Variants in NOL4L observed in about 807,000 individuals in gnomAD.
NOL4L encodes nucleolar protein 4-like.
Under a neutral mutation model 64.5 loss-of-function variants are expected in NOL4L, and 7 were observed. The ratio of observed to expected loss-of-function variants is 0.11; its 90% CI spans 0.06 to 0.20. The LOEUF (loss-of-function observed/expected upper bound fraction) is 0.20. NOL4L is among the 10% of genes least tolerant of loss of function. NOL4L has a pLI of 1.00. For synonymous variants in NOL4L, 413 were observed against 401.0 expected, an observed-to-expected ratio of 1.03 and a Z score of -0.36; for missense variants, 680 against 967.1, an observed-to-expected ratio of 0.70 and a Z score of 3.94.
chr20:32,581,156 G>A (rs923079725), intron 1 of NOL4L, among the ~76,000 whole-genome samples: 1 of 152,048 alleles, frequency 6.6e-6, no homozygotes, highest in African/African-American at 2.4e-5. Context: ...GGAGGACTCC[G>A]CCCTCCTCTC....
intron 1 of NOL4L, among the ~76,000 whole-genome samples, chr20:32,583,997 C>A (rs1282642815): frequency 1.3e-5 from 2 of 148,556 alleles, no homozygotes. Context: ...CCCGGGCCAG[C>A]CCCGGGTGGG....
At chr20:32,507,331 G>T (rs1190108978) in intron 4 of NOL4L, among the ~76,000 whole-genome samples, 1 of 152,210 alleles carries the variant, frequency 6.6e-6, no homozygotes, top group African/African-American at 2.4e-5. Flanking sequence ...TGGAGGTGCC[G>T]AGAGGGTGGA....
Position 32,444,006 on chromosome 20 carries a change from G to GT in NOL4L, c.*3589dup, listed in dbSNP as rs2012232467. The GT allele has an allele frequency of 6.6e-6, 1 of 152,172 alleles. No individual in the cohort carries two copies. Among genetic ancestry groups the GT allele is most frequent in the Admixed American group, 6.5e-5 (1 of 15,278 alleles). The allele number at this position is 152,172 out of a possible 1,614,324, so 9.4% of individuals were successfully genotyped here. A position where few individuals can be genotyped will look rare whatever the true frequency, so the allele number is the denominator to read the frequency against. ...TTTTGTTGTATTTTTAGGTGGAAAC[G>GT]TAGGTAAAAAGTGAGAGGTTTTTGT... On this transcript the variant is annotated 3_prime_UTR_variant, in exon 11 of 11. Transcript: ENST00000621426.
At position 32,445,018 on chromosome 20, in the gene NOL4L, T is replaced by C. The variant is rs2012268836; in HGVS notation, c.*2578A>G. On this transcript the variant is annotated 3_prime_UTR_variant, in exon 11 of 11. Coordinates refer to ENST00000621426, the MANE Select transcript of NOL4L (RefSeq NM_001256798.2). Reference sequence around the variant, plus strand: ...CTGTTTCCATGCAGAAACTTGCTCCTGATTCTGCCATCTCTAGGGCTTCAG... The same window carrying C: ...CTGTTTCCATGCAGAAACTTGCTCCCGATTCTGCCATCTCTAGGGCTTCAG... 6.6e-6 allele frequency: 1 copy of C among 152,272 alleles called. No homozygotes were observed. The highest frequency in any genetic ancestry group is 1.5e-5 in the Non-Finnish European group (1 of 68,042). 9.4% of individuals were successfully genotyped at this position (152,272 alleles called of 1,614,324 possible). A position where few individuals can be genotyped will look rare whatever the true frequency, so the allele number is the denominator to read the frequency against.
intron 10 of NOL4L, among the ~76,000 whole-genome samples, chr20:32,448,587 G>A (rs1342528359): frequency 1.3e-5 from 2 of 152,218 alleles, no homozygotes; most frequent in Non-Finnish European, 2.9e-5. Context: ...CCTGGGAGGA[G>A]TCCTGTGCCT....
chr20:32,501,875 C>T (rs1018657855), intron 4 of NOL4L, among the ~76,000 whole-genome samples: 9 of 152,028 alleles, frequency 5.9e-5, no homozygotes, highest in African/African-American at 1.7e-4. Flanking sequence ...GAAAAGGAGG[C>T]AATGACTAAC....
chr20:32,560,584 T>C (rs986176839), intron 1 of NOL4L, among the ~76,000 whole-genome samples: 9 of 152,254 alleles, frequency 5.9e-5, no homozygotes, highest in Non-Finnish European at 1.3e-4. Flanking sequence ...GCATTACCTA[T>C]ATTAAGTGAT....
intron 1 of NOL4L, chr20:32,536,155 C>T (rs2018514460): frequency 1.0e-6 from 1 of 985,668 alleles, no homozygotes. Context: ...CCCTAGAAGA[C>T]ACCCATTAAA....
rs1026979631 is a variant in NOL4L at position 32,585,087 on chromosome 20, GGGC to G, written c.-200_-198del. The G allele has an allele frequency of 6.7e-5, 11 of 163,884 alleles. No individual in the cohort carries two copies. Among genetic ancestry groups the G allele is most frequent in the South Asian group, 1.7e-4 (1 of 5,884 alleles). 10.2% of individuals were successfully genotyped at this position (163,884 alleles called of 1,614,324 possible). ...GGCTGCGGCGCGCTCTGTCCTGCTCGGGCGGCGGCGGCGGCGTTGGCGGCGGCG... is the reference window on the plus strand; with the variant it reads ...GGCTGCGGCGCGCTCTGTCCTGCTCGGGCGGCGGCGGCGTTGGCGGCGGCG... On this transcript the variant is annotated 5_prime_UTR_variant, in exon 1 of 11. Transcript: ENST00000621426.
rs948806545 is a variant in NOL4L at position 32,460,961 on chromosome 20, C to T, written c.842-4566G>A. 5.3e-5 allele frequency among the ~76,000 whole-genome samples: 8 copies of T among 152,240 alleles called. No individual in the cohort carries two copies. The highest frequency in any genetic ancestry group is 1.2e-4 in the Non-Finnish European group (8 of 68,040). Reference sequence around the variant, plus strand: ...TGTGCTAACCCGAGCACCACCACCTCAGGGAAGCCCTCCCTACCTGCCCCG... The same window carrying T: ...TGTGCTAACCCGAGCACCACCACCTTAGGGAAGCCCTCCCTACCTGCCCCG... On this transcript the variant is annotated intron_variant, in intron 5 of 10. Coordinates refer to ENST00000621426, the MANE Select transcript of NOL4L (RefSeq NM_001256798.2). The surrounding 1 kb of genome is among the most constrained non-coding windows in gnomAD (Gnocchi z 5.7).
chr20:32,528,462 C>A (rs958925673), intron 1 of NOL4L, among the ~76,000 whole-genome samples: 10 of 152,144 alleles, frequency 6.6e-5, no homozygotes, highest in Non-Finnish European at 1.2e-4. Context: ...GCAACGGCAC[C>A]CGGGCCCTTT....
chr20:32,445,064 A>AG lies in NOL4L; in HGVS notation c.*2531dup, dbSNP rs761369620. 3 of 152,232 alleles carry AG rather than the reference A, an allele frequency of 2.0e-5. No individual in the cohort carries two copies. Among genetic ancestry groups the AG allele is most frequent in the Non-Finnish European group, 4.4e-5 (3 of 68,042 alleles). The allele number at this position is 152,232 out of a possible 1,614,324, so 9.4% of individuals were successfully genotyped here. ...TTCAGGTGTAGTTTCACTGGAAAGG[A>AG]GGAGCCCACCCAAGAGGTGGGGTCG... is the stretch of plus-strand genomic sequence containing the variant. On this transcript the variant is annotated 3_prime_UTR_variant, in exon 11 of 11. Coordinates refer to ENST00000621426, the MANE Select transcript of NOL4L (RefSeq NM_001256798.2).
intron 4 of NOL4L, among the ~76,000 whole-genome samples, chr20:32,478,273 ACTCT>A (rs11469154): frequency 0.21 from 30,022 of 142,752 alleles, 3,790 homozygotes; most frequent in East Asian, 0.66. Flanking sequence ...ACACACACAC[ACTCT>A]CTCTCTCTCT....
At chr20:32,480,174 C>T (rs1428627269) in intron 4 of NOL4L, among the ~76,000 whole-genome samples, 3 of 152,212 alleles carry the variant, frequency 2.0e-5, no homozygotes, top group African/African-American at 7.2e-5. Flanking sequence ...CATTTGCATC[C>T]TCCAGGACTT....
At chr20:32,545,950 CTTT>C (rs11327665) in intron 1 of NOL4L, among the ~76,000 whole-genome samples, 3 of 133,902 alleles carry the variant, frequency 2.2e-5, no homozygotes, top group Non-Finnish European at 3.1e-5. Context: ...TCTTTCTTTT[CTTT>C]TTTTTTTTTT....
At chr20:32,452,458 C>T (rs564544713) in intron 9 of NOL4L, 21 bp from the exon 10 acceptor site, 30 of 1,539,472 alleles carry the variant, frequency 1.9e-5, no homozygotes, top group Middle Eastern at 1.9e-4. Flanking sequence ...GAGAGGGGGG[C>T]GCTGGGGAAA....
intron 2 of NOL4L, among the ~76,000 whole-genome samples, chr20:32,524,603 G>A (rs965812421): frequency 2.6e-5 from 4 of 152,298 alleles, no homozygotes; most frequent in South Asian, 2.1e-4. Context: ...TTCAGCGTTG[G>A]CAAAACACAG....
chr20:32,528,879 T>C (rs2018242239), intron 1 of NOL4L, among the ~76,000 whole-genome samples: 1 of 152,120 alleles, frequency 6.6e-6, no homozygotes, highest in Admixed American at 6.5e-5. Flanking sequence ...GAGCAAGCCA[T>C]ATGGAGGGAA....
chr20:32,480,241 T>C (rs1024888701), intron 4 of NOL4L, among the ~76,000 whole-genome samples: 1 of 152,220 alleles, frequency 6.6e-6, no homozygotes, highest in South Asian at 2.1e-4. Context: ...AGAGCTGTAA[T>C]TCTATCTCTA....
Sources: gnomAD v4.1 joint callset for allele counts (sites outside exome capture counted in the v4.1 genomes callset) on GRCh38, gnomAD v4.1.1 for gene constraint, Gnocchi (gnomAD v3.1) non-coding constraint, MANE v1.5 for transcripts, NCBI Gene and HGNC (gene_info 2026-07-23, HGNC 2026-07-21) for gene names.